MAP2: variants seen among roughly 807,000 people sequenced by gnomAD.
MAP2 encodes microtubule-associated protein 2.
In MAP2, 14 loss-of-function variants were observed where a neutral mutation model predicts 137.6. The ratio of observed to expected loss-of-function variants is 0.10; its 90% confidence interval spans 0.07 to 0.16. MAP2 has a LOEUF of 0.16. Ranked by LOEUF, MAP2 falls within the 10% of genes least tolerant of loss-of-function variation. MAP2 has a pLI of 1.00. For missense variants in MAP2, 2,088 were observed against 2,191.5 expected, an observed-to-expected ratio of 0.95 and a Z score of 0.94; for synonymous variants, 786 against 782.3, an observed-to-expected ratio of 1.00 and a Z score of -0.08.
At chr2:209,659,716 G>A (rs1168524447) in intron 5 of MAP2, among the ~76,000 whole-genome samples, 1 of 151,692 alleles carries the variant, frequency 6.6e-6, no homozygotes, top group Non-Finnish European at 1.5e-5. Context: ...TTGAAGTACA[G>A]TGCTGTGAAC....
rs1695915423 is a variant in MAP2, at chr2:209,435,957, A to AGTATATATTATATATAATATATACT, written c.-222+11705_-222+11706insTGTATATATTATATATAATATATAC. ...TATATATAATATATACTATATATAC[A>AGTATATATTATATATAATATATACT]GTATATATTATATATAATATATACA... is the stretch of plus-strand genomic sequence containing the variant. On this transcript the variant is annotated intron_variant, in intron 1 of 15. Transcript: ENST00000682079. Among the ~76,000 whole-genome samples the AGTATATATTATATATAATATATACT allele has an allele frequency of 7.7e-5, 10 of 129,562 alleles. 1 individual carries two copies. Among genetic ancestry groups the AGTATATATTATATATAATATATACT allele is most frequent in the Non-Finnish European group, 1.3e-4 (8 of 61,336 alleles). 85.0% of individuals were successfully genotyped at this position (129,562 alleles called of 152,430 possible). A position where few individuals can be genotyped will look rare whatever the true frequency, so the allele number is the denominator to read the frequency against.
chr2:209,483,356 C>G (rs934038044), intron 1 of MAP2, among the ~76,000 whole-genome samples: 1 of 152,032 alleles, frequency 6.6e-6, no homozygotes, highest in African/African-American at 2.4e-5. Flanking sequence ...TACAATTACC[C>G]TTTGTTTAAA....
At chr2:209,554,513 T>A (rs2070019569) in intron 2 of MAP2, among the ~76,000 whole-genome samples, 1 of 152,148 alleles carries the variant, frequency 6.6e-6, no homozygotes, top group African/African-American at 2.4e-5. Context: ...TGGGGTCGGG[T>A]GCAGTGGCTT....
Position 209,587,511 on chromosome 2 carries a change from A to G in MAP2, c.-107+7411A>G, listed in dbSNP as rs2078071305. ...GACAATCAGAGTGTTCAGAGGAGCC[A>G]AGTATTCATAAGAAGCCTTGACAGA... On this transcript the variant is annotated intron_variant, in intron 3 of 15. Transcript: ENST00000682079. 2.0e-5 allele frequency among the ~76,000 whole-genome samples: 3 copies of G among 152,114 alleles called. 1 individual carries two copies. The South Asian group carries it at 6.2e-4, about 32-fold the overall frequency.
At chr2:209,678,706 G>A in intron 6 of MAP2, 21 bp downstream of exon 6, 1 of 1,447,560 alleles carries the variant, frequency 6.9e-7, no homozygotes, top group Non-Finnish European at 9.6e-7. Flanking sequence ...AGATTCTCAG[G>A]TCAGGGACTG....
intron 2 of MAP2, among the ~76,000 whole-genome samples, chr2:209,528,575 A>G (rs1185900855): frequency 6.6e-6 from 1 of 152,074 alleles, no homozygotes; most frequent in East Asian, 1.9e-4. Flanking sequence ...ACATATTGAC[A>G]GTTCAGCCTT....
At chr2:209,611,149 GC>G (rs1229943653) in intron 3 of MAP2, among the ~76,000 whole-genome samples, 2 of 152,102 alleles carry the variant, frequency 1.3e-5, no homozygotes, top group African/African-American at 4.8e-5. Flanking sequence ...TAAACTAACA[GC>G]TATTATATAA....
chr2:209,700,321 G>T lies in MAP2; in HGVS notation c.4567G>T (p.Ala1523Ser). 3 of 1,613,154 alleles carry T rather than the reference G, an allele frequency of 1.9e-6. No individual in the cohort carries two copies. In the South Asian group the frequency reaches 3.3e-5, roughly 18 times the overall value. ...TCTGGCTCCCAGTGTATTTAAACAGGCAAAGGACAAAGTCTCTGTGAGTAA... is the reference window on the plus strand; with the variant it reads ...TCTGGCTCCCAGTGTATTTAAACAGTCAAAGGACAAAGTCTCTGTGAGTAA... The part of the protein sequence containing the change: ...SALAPSVFKQ[A>S]KDKVSDGVTK... The change falls in exon 11 of 16, where the codon GCA becomes TCA. Residue 1523 changes from alanine (A) to serine (S), a missense_variant. Physicochemically the swap from Ala to Ser is moderately conservative, Grantham distance 99 (BLOSUM62 1). This residue lies in a region of MAP2 where 591 missense variants were observed against 642.6 expected (regional missense o/e 0.92). Coordinates refer to ENST00000682079, the MANE Select transcript of MAP2 (RefSeq NM_001375505.1).
At chr2:209,603,834 T>C (rs898648806) in intron 3 of MAP2, among the ~76,000 whole-genome samples, 7 of 152,154 alleles carry the variant, frequency 4.6e-5, no homozygotes, top group African/African-American at 1.7e-4. Flanking sequence ...TCAAAGTTGA[T>C]CTAACTATCT....
chr2:209,649,250 C>G (rs563663155), intron 4 of MAP2, among the ~76,000 whole-genome samples: 4 of 152,192 alleles, frequency 2.6e-5, no homozygotes, highest in African/African-American at 7.2e-5. Flanking sequence ...CTCCTGGACT[C>G]AAGCAATCCT....
At position 209,696,753 on chromosome 2, in the gene MAP2, A is replaced by AT; in HGVS notation, c.4387+8dup. ...ATGAAGTGAGAAGGAAAAAAGGTTC[A>AT]TTTAACAATCACTTCTTTAAAAATG... On this transcript the variant is annotated splice_donor_region_variant and intron_variant, in intron 9 of 15. Transcript: ENST00000682079. 6.3e-7 allele frequency: 1 copy of AT among 1,598,546 alleles called. No homozygotes were observed. Among genetic ancestry groups the AT allele is most frequent in the East Asian group, 2.2e-5 (1 of 44,772 alleles).
At chr2:209,708,704 A>G (rs565802723) in intron 12 of MAP2, among the ~76,000 whole-genome samples, 72 of 152,288 alleles carry the variant, frequency 4.7e-4, no homozygotes, top group African/African-American at 1.6e-3. Context: ...AGATTCATTG[A>G]TTTTTTTACT....
intron 11 of MAP2, chr2:209,705,356 C>T: frequency 6.4e-6 from 2 of 311,304 alleles, no homozygotes. Flanking sequence ...ACTTCACACT[C>T]AGTTATTAGA....
intron 2 of MAP2, among the ~76,000 whole-genome samples, chr2:209,563,896 C>T (rs2072782301): frequency 1.3e-5 from 2 of 152,160 alleles, no homozygotes; most frequent in Non-Finnish European, 2.9e-5. Flanking sequence ...CTTGCACGTA[C>T]TAGGTGATAA....
chr2:209,532,171 G>A (rs891336324), intron 2 of MAP2, among the ~76,000 whole-genome samples: 2 of 151,010 alleles, frequency 1.3e-5, no homozygotes, highest in African/African-American at 4.9e-5. Flanking sequence ...CTGGGAGGTG[G>A]AGGCTGCAGT....
At chr2:209,433,680 T>C (rs1316896946) in intron 1 of MAP2, among the ~76,000 whole-genome samples, 2 of 152,140 alleles carry the variant, frequency 1.3e-5, no homozygotes, top group Non-Finnish European at 2.9e-5. Flanking sequence ...AGAAATAATT[T>C]AGAAAATCAG....
At chr2:209,583,147 GTCTATCTA>G (rs3036663) in intron 3 of MAP2, among the ~76,000 whole-genome samples, 126 of 147,262 alleles carry the variant, frequency 8.6e-4, no homozygotes, top group South Asian at 4.4e-3. Context: ...CTGTCTGTCT[GTCTATCTA>G]TCTATCTATC....
rs767996681 is a variant in MAP2, at chr2:209,723,733, C to A, written c.5074-1976C>A. 7.6e-6 allele frequency: 10 copies of A among 1,309,812 alleles called. No homozygotes were observed. The East Asian group carries it at 2.3e-4, about 30-fold the overall frequency. The allele number at this position is 1,309,812 out of a possible 1,614,324, so 81.1% of individuals were successfully genotyped here. On this transcript the variant is annotated intron_variant, in intron 13 of 15. Transcript: ENST00000682079. ...GAAAGCTGTCCTGATTGCGTGGAGCCACCTGCACAGCCAGCACCCTGCCTT... is the reference window on the plus strand; with the variant it reads ...GAAAGCTGTCCTGATTGCGTGGAGCAACCTGCACAGCCAGCACCCTGCCTT...
chr2:209,660,638 G>A (rs1259516415), intron 5 of MAP2, among the ~76,000 whole-genome samples: 1 of 148,088 alleles, frequency 6.8e-6, no homozygotes, highest in South Asian at 2.1e-4. Context: ...CTCGTGATCC[G>A]CCTGCCTCTG....
Sources: gnomAD v4.1 joint callset for allele counts (sites outside exome capture counted in the v4.1 genomes callset) on GRCh38, gnomAD v4.1.1 for gene constraint, gnomAD v4.1.1 regional missense constraint, MANE v1.5 for transcripts, NCBI Gene and HGNC (gene_info 2026-07-23, HGNC 2026-07-21) for gene names.